EFCAB11: variants seen among roughly 807,000 people sequenced by gnomAD.
EFCAB11 encodes the protein EF-hand calcium binding domain 11, also known as EF-hand calcium-binding domain-containing protein 11.
A neutral mutation model predicts 23.0 loss-of-function variants in EFCAB11; 14 were observed. The ratio of observed to expected loss-of-function variants is 0.61; its 90% CI spans 0.40 to 0.95. The LOEUF (loss-of-function observed/expected upper bound fraction) is 0.95, where lower values mean the gene tolerates loss of function less well. Ranked by LOEUF, EFCAB11 falls within the 40% of genes least tolerant of loss-of-function variation. The probability of loss-of-function intolerance (pLI) is 0.00; values close to 1 mark genes in which losing one functional copy is unlikely to be tolerated. For synonymous variants in EFCAB11, 65 were observed against 66.6 expected (o/e 0.98, Z 0.11); for missense variants, 198 against 195.8 (o/e 1.01, Z -0.07).
chr14:89,800,396 C>A (rs1293119305), intron 5 of EFCAB11, among the ~76,000 whole-genome samples: 3 of 152,058 alleles, frequency 2.0e-5, no homozygotes, highest in Admixed American at 1.3e-4. Context: ...AGCGAGGGAA[C>A]CCCCTGAATG....
intron 5 of EFCAB11, among the ~76,000 whole-genome samples, chr14:89,911,806 T>C (rs975163931): frequency 1.1e-4 from 17 of 152,218 alleles, no homozygotes; most frequent in Admixed American, 9.2e-4. Context: ...TTGTGGCCTG[T>C]AGTAGTCATG....
intron 5 of EFCAB11, among the ~76,000 whole-genome samples, chr14:89,865,438 G>A (rs1451726078): frequency 6.6e-6 from 1 of 152,156 alleles, no homozygotes; most frequent in Non-Finnish European, 1.5e-5. Flanking sequence ...TCTGAAGAGG[G>A]AAGGGATGCT....
chr14:89,828,861 T>G (rs1421090045), intron 5 of EFCAB11, among the ~76,000 whole-genome samples: 1 of 152,180 alleles, frequency 6.6e-6, no homozygotes, highest in Non-Finnish European at 1.5e-5. Context: ...CTTGGAAATA[T>G]TGGGTGAATC....
At chr14:89,886,514 T>G in intron 5 of EFCAB11, among the ~76,000 whole-genome samples, 1 of 67,028 alleles carries the variant, frequency 1.5e-5, no homozygotes, top group Non-Finnish European at 2.5e-5. Flanking sequence ...CGAAACTCCG[T>G]CTCAAAAAAA....
chr14:89,896,290 C>T (rs940388541), intron 5 of EFCAB11, among the ~76,000 whole-genome samples: 1 of 149,810 alleles, frequency 6.7e-6, no homozygotes, highest in Non-Finnish European at 1.5e-5. Flanking sequence ...CACAGGAGGC[C>T]GAGGCAGGAG....
intron 5 of EFCAB11, among the ~76,000 whole-genome samples, chr14:89,916,279 A>G (rs1889841698): frequency 6.6e-6 from 1 of 152,238 alleles, no homozygotes; most frequent in African/African-American, 2.4e-5. Context: ...CACCAACTCT[A>G]TGACAAAACT....
intron 3 of EFCAB11, among the ~76,000 whole-genome samples, chr14:89,933,381 T>C (rs1890465365): frequency 6.6e-6 from 1 of 152,156 alleles, no homozygotes; most frequent in South Asian, 2.1e-4. Context: ...AAAGAGTGGT[T>C]CATTTTTATA....
rs1250658408 is a variant in EFCAB11 at position 89,931,367 on chromosome 14, G to A, written c.410+174C>T. The stretch of plus-strand genomic sequence containing the variant: ...TTTACAGTTCACTGTCAGGGGCATG[G>A]AAGGACCCATAGCTAACTATAGATT... On this transcript the variant is annotated intron_variant, in intron 5 of 5. Coordinates refer to ENST00000316738, the MANE Select transcript of EFCAB11 (RefSeq NM_145231.4). The A allele has an allele frequency of 1.5e-5, 9 of 609,712 alleles. No individual in the cohort carries two copies. The South Asian group carries it at 1.6e-4, about 11-fold the overall frequency. 37.8% of individuals were successfully genotyped at this position (609,712 alleles called of 1,614,324 possible). A position where few individuals can be genotyped will look rare whatever the true frequency, so the allele number is the denominator to read the frequency against.
At chr14:89,815,148 G>A (rs867979849) in intron 5 of EFCAB11, among the ~76,000 whole-genome samples, 2 of 152,062 alleles carry the variant, frequency 1.3e-5, no homozygotes, top group East Asian at 1.9e-4. Context: ...TGGAATATGC[G>A]GCAATTATGA....
At chr14:89,826,736 G>A (rs1886703953) in intron 5 of EFCAB11, among the ~76,000 whole-genome samples, 1 of 152,046 alleles carries the variant, frequency 6.6e-6, no homozygotes, top group African/African-American at 2.4e-5. Flanking sequence ...GCCACTAAAG[G>A]CAGAATAGCC....
chr14:89,835,461 C>T (rs942734816), intron 5 of EFCAB11, among the ~76,000 whole-genome samples: 2 of 151,758 alleles, frequency 1.3e-5, no homozygotes, highest in African/African-American at 4.9e-5. Context: ...GTTTATGAAA[C>T]AAAGTTTTGA....
At chr14:89,857,802 C>T (rs1414204344) in intron 5 of EFCAB11, among the ~76,000 whole-genome samples, 1 of 152,098 alleles carries the variant, frequency 6.6e-6, no homozygotes, top group Non-Finnish European at 1.5e-5. Context: ...GTCTGGTGTG[C>T]AGAGAAAATG....
Position 89,834,396 on chromosome 14 carries a change from A to AC in EFCAB11, c.411-37073_411-37072insG, listed in dbSNP as rs1596390488. Among the ~76,000 whole-genome samples, 10 of 146,024 alleles carry AC rather than the reference A, an allele frequency of 6.8e-5. 1 individual carries two copies. The highest frequency in any genetic ancestry group is 1.8e-4 in the African/African-American group (7 of 39,652). ...GTCTCAAAAAAAAAAAAAAAAAAAA[A>AC]AAAAAAACCTTTTTGTTTAAACTTC... On this transcript the variant is annotated intron_variant, in intron 5 of 5. Coordinates refer to ENST00000316738, the MANE Select transcript of EFCAB11 (RefSeq NM_145231.4).
At chr14:89,904,605 GCTC>G (rs1452790817) in intron 5 of EFCAB11, among the ~76,000 whole-genome samples, 2 of 152,252 alleles carry the variant, frequency 1.3e-5, no homozygotes, top group South Asian at 2.1e-4. Context: ...GTGTAAAATT[GCTC>G]CTATTTCTCC....
intron 3 of EFCAB11, 67 bp from the exon 4 acceptor site, chr14:89,932,694 G>A: frequency 1.7e-6 from 2 of 1,196,670 alleles, no homozygotes; most frequent in Non-Finnish European, 2.5e-6. Flanking sequence ...AAATTAAACA[G>A]AAATGGACAG....
chr14:89,843,702 G>C (rs1887343486), intron 5 of EFCAB11, among the ~76,000 whole-genome samples: 1 of 152,188 alleles, frequency 6.6e-6, no homozygotes, highest in African/African-American at 2.4e-5. Flanking sequence ...TACTTGCAAT[G>C]GATCTTTTAT....
At chr14:89,929,509 C>G (rs1355337342) in intron 5 of EFCAB11, among the ~76,000 whole-genome samples, 4 of 152,190 alleles carry the variant, frequency 2.6e-5, no homozygotes, top group African/African-American at 9.7e-5. Context: ...GCTTCAGCTT[C>G]CCGAGTAGCT....
intron 5 of EFCAB11, among the ~76,000 whole-genome samples, chr14:89,809,321 C>G (rs1318904776): frequency 6.6e-6 from 1 of 152,202 alleles, no homozygotes; most frequent in African/African-American, 2.4e-5. Context: ...GGAGCTCTCC[C>G]TACCCTTGGG....
intron 5 of EFCAB11, among the ~76,000 whole-genome samples, chr14:89,883,570 T>C (rs1409873890): frequency 6.6e-6 from 1 of 152,218 alleles, no homozygotes; most frequent in African/African-American, 2.4e-5. Context: ...TACAATATTG[T>C]TTAGGAAATA....
Sources: gnomAD v4.1 joint callset for allele counts (sites outside exome capture counted in the v4.1 genomes callset) on GRCh38, gnomAD v4.1.1 for gene constraint, MANE v1.5 for transcripts, NCBI Gene and HGNC (gene_info 2026-07-23, HGNC 2026-07-21) for gene names.